CNTN5: variants seen among roughly 807,000 people sequenced by gnomAD.
CNTN5 encodes the protein contactin-5.
In CNTN5, 77 loss-of-function variants were observed where a neutral mutation model predicts 129.1. The observed-to-expected ratio is 0.60, with a 90% CI of 0.50 to 0.72. CNTN5 has a LOEUF of 0.72. Ranked by LOEUF, CNTN5 falls within the 30% of genes least tolerant of loss-of-function variation. CNTN5 has a pLI of 0.00. For missense variants in CNTN5, 1,478 were observed against 1,328.8 expected, an observed-to-expected ratio of 1.11 and a Z score of -1.75; for synonymous variants, 509 against 465.6, an observed-to-expected ratio of 1.09 and a Z score of -1.20.
At chr11:99,613,355 G>T (rs1373179275) in intron 3 of CNTN5, among the ~76,000 whole-genome samples, 1 of 152,126 alleles carries the variant, frequency 6.6e-6, no homozygotes, top group Non-Finnish European at 1.5e-5. Context: ...TGCAGTCTTG[G>T]GGAGAAGGGT....
chr11:99,786,967 T>C (rs1398385856), intron 3 of CNTN5, among the ~76,000 whole-genome samples: 1 of 152,188 alleles, frequency 6.6e-6, no homozygotes, highest in East Asian at 1.9e-4. Context: ...TTTAGATAAC[T>C]TCTTAGAAAC....
intron 8 of CNTN5, among the ~76,000 whole-genome samples, chr11:99,988,305 G>A (rs1314432717): frequency 6.6e-6 from 1 of 152,192 alleles, no homozygotes; most frequent in Non-Finnish European, 1.5e-5. Flanking sequence ...CAACTCATTT[G>A]TCACGTTTTT....
intron 2 of CNTN5, among the ~76,000 whole-genome samples, chr11:99,486,529 T>G (rs1315693276): frequency 1.3e-5 from 2 of 152,176 alleles, no homozygotes; most frequent in African/African-American, 4.8e-5. Flanking sequence ...AACAATTTAT[T>G]TAATGTAAAT....
At chr11:99,772,279 A>T (rs1451156707) in intron 3 of CNTN5, among the ~76,000 whole-genome samples, 1 of 151,986 alleles carries the variant, frequency 6.6e-6, no homozygotes, top group Admixed American at 6.6e-5. Flanking sequence ...TCAAACATCC[A>T]CACCAGCTAT....
intron 21 of CNTN5, among the ~76,000 whole-genome samples, chr11:100,323,097 T>G (rs2138966135): frequency 6.6e-6 from 1 of 152,342 alleles, no homozygotes; most frequent in Admixed American, 6.5e-5. Flanking sequence ...ACATGCAGGT[T>G]AGAAAATGTC....
rs142666288 is a variant in CNTN5, at chr11:99,203,755, G to A, written c.-209-121591G>A. Among the ~76,000 whole-genome samples the A allele has an allele frequency of 3.9e-3, 590 of 152,096 alleles. 1 individual carries two copies. The highest frequency in any genetic ancestry group is 0.013 in the African/African-American group (538 of 41,480). The stretch of plus-strand genomic sequence containing the variant: ...TGGGATTACAGGCATGTGCCAGCAC[G>A]TCCGGCTAATTTTTTGTATTTTTAG... On this transcript the variant is annotated intron_variant, in intron 1 of 24. Coordinates refer to ENST00000524871, the MANE Select transcript of CNTN5 (RefSeq NM_014361.4).
intron 13 of CNTN5, among the ~76,000 whole-genome samples, chr11:100,134,152 G>C (rs755141231): frequency 6.6e-6 from 1 of 152,072 alleles, no homozygotes; most frequent in Non-Finnish European, 1.5e-5. Context: ...AGATAGAGAA[G>C]GGCTCATAGC....
At chr11:99,617,517 A>G (rs1415341360) in intron 3 of CNTN5, among the ~76,000 whole-genome samples, 1 of 152,136 alleles carries the variant, frequency 6.6e-6, no homozygotes. Context: ...TGACACATAA[A>G]CTTTAGTAGA....
At chr11:99,261,472 A>G (rs1862625097) in intron 1 of CNTN5, among the ~76,000 whole-genome samples, 2 of 151,948 alleles carry the variant, frequency 1.3e-5, no homozygotes, top group African/African-American at 4.8e-5. Context: ...TTGTTTATCT[A>G]TATTTAACTG....
intron 1 of CNTN5, among the ~76,000 whole-genome samples, chr11:99,110,191 G>T (rs564818501): frequency 2.0e-5 from 3 of 152,194 alleles, no homozygotes; most frequent in South Asian, 4.2e-4. Flanking sequence ...GAATGGGGTT[G>T]TCAAGGAGAA....
At chr11:100,234,611 G>C (rs190745221) in intron 16 of CNTN5, among the ~76,000 whole-genome samples, 1 of 151,720 alleles carries the variant, frequency 6.6e-6, no homozygotes, top group Non-Finnish European at 1.5e-5. Context: ...ATGGACACAG[G>C]GAGGGGAACA....
At chr11:99,599,409 A>G in intron 3 of CNTN5, among the ~76,000 whole-genome samples, 1 of 152,220 alleles carries the variant, frequency 6.6e-6, no homozygotes, top group South Asian at 2.1e-4. Flanking sequence ...TGATTTGTGT[A>G]TTATTTTACA....
intron 3 of CNTN5, among the ~76,000 whole-genome samples, chr11:99,696,612 ATCAGTAG>A (rs1260232211): frequency 2.0e-5 from 3 of 151,436 alleles, no homozygotes; most frequent in Non-Finnish European, 2.9e-5. Context: ...TACAAGTACC[ATCAGTAG>A]TCATTCTTTT....
intron 2 of CNTN5, among the ~76,000 whole-genome samples, chr11:99,368,538 T>C (rs1006117124): frequency 2.6e-5 from 4 of 152,056 alleles, no homozygotes; most frequent in Non-Finnish European, 4.4e-5. Flanking sequence ...AATCACTCAA[T>C]AGAAGATCAT....
chr11:100,037,448 G>A (rs543498848), intron 9 of CNTN5, among the ~76,000 whole-genome samples: 2 of 151,944 alleles, frequency 1.3e-5, no homozygotes, highest in South Asian at 4.2e-4. Context: ...TTGTGTCTCT[G>A]CCCGGGTTTG....
At chr11:99,634,568 C>T (rs1317772263) in intron 3 of CNTN5, among the ~76,000 whole-genome samples, 2 of 152,132 alleles carry the variant, frequency 1.3e-5, no homozygotes, top group Non-Finnish European at 2.9e-5. Flanking sequence ...TTGATTCTGT[C>T]TATTTAAATG....
intron 3 of CNTN5, among the ~76,000 whole-genome samples, chr11:99,619,938 A>G (rs1211600829): frequency 6.8e-6 from 1 of 147,928 alleles, no homozygotes; most frequent in Admixed American, 7.2e-5. Flanking sequence ...AGGCAGGAGA[A>G]TGGCGTGAAC....
intron 1 of CNTN5, among the ~76,000 whole-genome samples, chr11:99,073,374 GTTTTTT>G (rs750531770): frequency 1.6e-5 from 1 of 61,198 alleles, no homozygotes; most frequent in Non-Finnish European, 2.9e-5. Flanking sequence ...TTATGGTTTG[GTTTTTT>G]TTTTTTTTTT....
At chr11:99,382,694 A>T (rs1940643737) in intron 2 of CNTN5, among the ~76,000 whole-genome samples, 1 of 151,970 alleles carries the variant, frequency 6.6e-6, no homozygotes, top group Non-Finnish European at 1.5e-5. Context: ...GTGATCTGGA[A>T]ATATCCTATT....
Sources: gnomAD v4.1 joint callset for allele counts (sites outside exome capture counted in the v4.1 genomes callset) on GRCh38, gnomAD v4.1.1 for gene constraint, MANE v1.5 for transcripts, NCBI Gene and HGNC (gene_info 2026-07-23, HGNC 2026-07-21) for gene names.